The following SRGAP2C variants were observed in gnomAD, a reference collection of about 807,000 sequenced individuals.
SRGAP2C encodes the protein SLIT-ROBO Rho GTPase activating protein 2C, also known as SLIT-ROBO Rho GTPase-activating protein 2C.
Under a neutral mutation model 25.1 loss-of-function variants are expected in SRGAP2C, and 15 were observed. The ratio of observed to expected loss-of-function variants is 0.60; its 90% CI spans 0.40 to 0.92. SRGAP2C has a LOEUF of 0.92. SRGAP2C is among the 40% of genes least tolerant of loss of function. The pLI is 0.00. For missense variants in SRGAP2C, 144 were observed against 264.4 expected (o/e 0.54, Z 3.16); for synonymous variants, 44 against 96.6 (o/e 0.46, Z 3.19).
At chr1:121,370,464 T>C (rs1659452031) in intron 5 of SRGAP2C, among the ~76,000 whole-genome samples, 2 of 121,788 alleles carry the variant, frequency 1.6e-5, no homozygotes, top group African/African-American at 3.1e-5. Flanking sequence ...TTTTTTGAGA[T>C]GGAGTCTCGC....
chr1:121,213,279 C>T lies in SRGAP2C; in HGVS notation c.67+25766C>T, dbSNP rs1442359403. On this transcript the variant is annotated intron_variant, in intron 2 of 9. Transcript: ENST00000367123. ...CAGGCTGGTCTTGAACTCCCGGCCT[C>T]GAGCAATCCACCTGCCTCTGCCTCC... is the stretch of plus-strand genomic sequence containing the variant. Among the ~76,000 whole-genome samples, 194 of 149,614 alleles carry T rather than the reference C, an allele frequency of 1.3e-3. 2 individuals carry two copies. The highest frequency in any genetic ancestry group is 2.7e-3 in the Non-Finnish European group (179 of 67,528).
intron 2 of SRGAP2C, among the ~76,000 whole-genome samples, chr1:121,278,127 T>C (rs1657153729): frequency 6.6e-6 from 1 of 151,746 alleles, no homozygotes; most frequent in African/African-American, 2.4e-5. Flanking sequence ...AAAAAAAATT[T>C]GTAGAGCTGG....
intron 5 of SRGAP2C, among the ~76,000 whole-genome samples, chr1:121,367,956 G>A (rs1266341964): frequency 5.7e-5 from 6 of 104,494 alleles, no homozygotes; most frequent in African/African-American, 8.1e-5. Context: ...GGTGCCTGTC[G>A]TCCCAGCTAC....
At chr1:121,331,347 G>A (rs1366070248) in intron 4 of SRGAP2C, among the ~76,000 whole-genome samples, 1 of 16,700 alleles carries the variant, frequency 6.0e-5, no homozygotes, top group African/African-American at 3.0e-4. Context: ...ATAAAAGAGA[G>A]GAAGGTCATG....
At chr1:121,328,889 T>TAAAAAA (rs1300958463) in intron 4 of SRGAP2C, among the ~76,000 whole-genome samples, 7 of 75,144 alleles carry the variant, frequency 9.3e-5, no homozygotes, top group East Asian at 4.3e-4. Context: ...CCTGTCTGTT[T>TAAAAAA]AAAAAAAAAA....
chr1:121,222,456 C>T (rs1342746533), intron 2 of SRGAP2C, among the ~76,000 whole-genome samples: 1 of 152,010 alleles, frequency 6.6e-6, no homozygotes, highest in Admixed American at 6.6e-5. Flanking sequence ...TAAGGAGACC[C>T]CATCTCTACA....
rs587606922 is a variant in SRGAP2C at position 121,191,981 on chromosome 1, G to C, written c.67+4468G>C. Among the ~76,000 whole-genome samples, 40 of 150,260 alleles carry C rather than the reference G, an allele frequency of 2.7e-4. No individual in the cohort carries two copies. The South Asian group carries it at 7.0e-3, about 26-fold the overall frequency. On this transcript the variant is annotated intron_variant, in intron 2 of 9. Coordinates refer to ENST00000367123, the MANE Select transcript of SRGAP2C (RefSeq NM_001329984.2). ...AGCGAAATTTTGTAATTTCCATCTG[G>C]AGCATTTTGATAGAAAAAGTGCAGG...
rs587616455 is a variant in SRGAP2C at position 121,375,161 on chromosome 1, CATT to C, written c.831+213_831+215del. Among the ~76,000 whole-genome samples, 573 of 150,104 alleles carry C rather than the reference CATT, an allele frequency of 3.8e-3. 8 individuals are homozygous for C. Among genetic ancestry groups the C allele is most frequent in the African/African-American group, 0.013 (525 of 40,548 alleles). ...CCTAACTGGAATTCTGGGAGGAAGG[CATT>C]ATTATCTATATTTTTACAGATTAAC... is the stretch of plus-strand genomic sequence containing the variant. On this transcript the variant is annotated intron_variant, in intron 7 of 9. Transcript: ENST00000367123.
intron 4 of SRGAP2C, among the ~76,000 whole-genome samples, chr1:121,351,448 A>AAATACAAAAAAATTGGCCAGGCGTG (rs1658903688): frequency 4.7e-5 from 7 of 149,186 alleles, no homozygotes; most frequent in African/African-American, 1.7e-4. Flanking sequence ...CCTCTACTAA[A>AAATACAAAAAAATTGGCCAGGCGTG]AATACAAAAA....
intron 2 of SRGAP2C, among the ~76,000 whole-genome samples, chr1:121,213,162 C>T (rs1268967368): frequency 5.3e-5 from 8 of 149,650 alleles, no homozygotes; most frequent in Admixed American, 3.3e-4. Context: ...TTTTGTGCCT[C>T]AGCCACCCCG....
Position 121,356,971 on chromosome 1 carries a change from C to G in SRGAP2C, c.424-8322C>G, listed in dbSNP as rs1356186580. On this transcript the variant is annotated intron_variant, in intron 4 of 9. Coordinates refer to ENST00000367123, the MANE Select transcript of SRGAP2C (RefSeq NM_001329984.2). ...AGAGCAGAGGGCCATTAGCCTCTTC[C>G]TGACCCCACCCTGAACTCCCCTGAA... Among the ~76,000 whole-genome samples, 5 of 152,016 alleles carry G rather than the reference C, an allele frequency of 3.3e-5. No individual in the cohort carries two copies. In the East Asian group the frequency reaches 9.8e-4, roughly 30 times the overall value.
intron 2 of SRGAP2C, among the ~76,000 whole-genome samples, chr1:121,189,778 A>G (rs1358137548): frequency 1.8e-5 from 2 of 108,164 alleles, no homozygotes; most frequent in South Asian, 5.6e-4. Flanking sequence ...AATGATAATG[A>G]TAATAGATTA....
At chr1:121,285,828 G>A (rs1657351905) in intron 3 of SRGAP2C, among the ~76,000 whole-genome samples, 1 of 150,492 alleles carries the variant, frequency 6.6e-6, no homozygotes, top group South Asian at 2.1e-4. Flanking sequence ...CTGGGTAACA[G>A]GGTGGTGTAA....
intron 4 of SRGAP2C, chr1:121,362,746 C>T (rs1318053331): frequency 1.4e-5 from 2 of 147,970 alleles, no homozygotes; most frequent in Non-Finnish European, 3.0e-5. Context: ...TGTTGCCTCA[C>T]TTCACCTCCT....
At chr1:121,280,481 CTT>C (rs1657216695) in intron 2 of SRGAP2C, among the ~76,000 whole-genome samples, 1 of 150,400 alleles carries the variant, frequency 6.6e-6, no homozygotes, top group South Asian at 2.1e-4. Flanking sequence ...AGCCATGCCT[CTT>C]TAGACAGAGC....
At chr1:121,228,752 A>G (rs183857021) in intron 2 of SRGAP2C, among the ~76,000 whole-genome samples, 2 of 151,542 alleles carry the variant, frequency 1.3e-5, no homozygotes, top group Admixed American at 1.3e-4. Context: ...TAAACACTTG[A>G]ATATAGTAAT....
intron 2 of SRGAP2C, among the ~76,000 whole-genome samples, chr1:121,283,873 G>A (rs1467403474): frequency 1.3e-5 from 2 of 150,108 alleles, no homozygotes; most frequent in Non-Finnish European, 3.0e-5. Context: ...TGCATTTGAG[G>A]CAAATCTGTT....
chr1:121,228,403 C>G (rs1553326942), intron 2 of SRGAP2C, among the ~76,000 whole-genome samples: 1 of 148,334 alleles, frequency 6.7e-6, no homozygotes, highest in Non-Finnish European at 1.5e-5. Flanking sequence ...TATGGGTGAA[C>G]CCTGTTTCAT....
intron 2 of SRGAP2C, among the ~76,000 whole-genome samples, chr1:121,218,593 C>G (rs1189674781): frequency 7.0e-6 from 1 of 143,836 alleles, no homozygotes; most frequent in Non-Finnish European, 1.5e-5. Flanking sequence ...AAAAAAAATA[C>G]AAAAATTAGC....
Sources: gnomAD v4.1 joint callset for allele counts (sites outside exome capture counted in the v4.1 genomes callset) on GRCh38, gnomAD v4.1.1 for gene constraint, MANE v1.5 for transcripts, NCBI Gene and HGNC (gene_info 2026-07-23, HGNC 2026-07-21) for gene names.